The following ZNF469 variants were observed in gnomAD, a reference collection of about 807,000 sequenced individuals.
ZNF469 encodes zinc finger protein 469.
In ZNF469, 1 loss-of-function variant was observed where a neutral mutation model predicts 1.0. That is an observed-to-expected ratio of 1.00 (90% CI 0.35 to 4.73). The LOEUF (loss-of-function observed/expected upper bound fraction) is 4.73. Among genes scored for constraint, ZNF469 ranks in the 30% most tolerant of loss-of-function variants. The pLI, the probability that ZNF469 is intolerant of heterozygous loss-of-function variation, is 0.16. For synonymous variants in ZNF469, 2,703 were observed against 2,363.4 expected (o/e 1.14, Z -4.17); for missense variants, 6,100 against 5,356.3 (o/e 1.14, Z -4.33).
chr16:88,236,436 A>T, the ZNF469 span, among the ~76,000 whole-genome samples: 1 of 152,228 alleles, frequency 6.6e-6, no homozygotes, highest in Non-Finnish European at 1.5e-5. Context: ...GCTGGGCCTG[A>T]ATTCCATAGG....
At chr16:88,342,159 TC>T in the ZNF469 span, among the ~76,000 whole-genome samples, 1 of 152,080 alleles carries the variant, frequency 6.6e-6, no homozygotes, top group African/African-American at 2.4e-5. Context: ...CTCCAGCCCT[TC>T]GCCCCCCAGC....
At chr16:88,211,186 C>T in the ZNF469 span, among the ~76,000 whole-genome samples, 2 of 152,254 alleles carry the variant, frequency 1.3e-5, no homozygotes, top group South Asian at 4.1e-4. Context: ...AGGTTTTCGA[C>T]CATTAGCTCT....
the ZNF469 span, among the ~76,000 whole-genome samples, chr16:88,163,199 A>T: frequency 1.7e-4 from 4 of 23,860 alleles, no homozygotes; most frequent in African/African-American, 4.2e-4. Flanking sequence ...GATAGATAGA[A>T]GGATGGATGG....
chr16:88,158,580 G>A, the ZNF469 span, among the ~76,000 whole-genome samples: 2 of 152,210 alleles, frequency 1.3e-5, no homozygotes, highest in African/African-American at 4.8e-5. Flanking sequence ...CTCTTGGTCA[G>A]GACTCAGGGC....
chr16:88,429,402 G>C lies in ZNF469; in HGVS notation c.1932G>C (p.Thr644=), dbSNP rs539996728. 9 of 1,539,674 alleles carry C rather than the reference G, an allele frequency of 5.8e-6. No homozygotes were observed. The African/African-American group carries it at 9.8e-5, about 17-fold the overall frequency. Residue 644 remains threonine, a synonymous_variant, in exon 3 of 3, where the codon ACG becomes ACC. Transcript: ENST00000565624. ...ACCCACCCACTCACCCCCAGGAGAC[G>C]GGCAGCCCCTTCCCGTCCCCGGAGC... The part of the protein sequence containing the change: ...FFHPPTHPQE[T]GSPFPSPEPP...
At chr16:88,268,692 C>A in the ZNF469 span, among the ~76,000 whole-genome samples, 116 of 152,358 alleles carry the variant, frequency 7.6e-4, 1 homozygote, top group East Asian at 0.021. Flanking sequence ...GGGCTGAGGT[C>A]ACGCTTGTCA....
chr16:88,335,110 T>G, the ZNF469 span, among the ~76,000 whole-genome samples: 1 of 152,234 alleles, frequency 6.6e-6, no homozygotes, highest in African/African-American at 2.4e-5. Flanking sequence ...GCCCTGCGCA[T>G]GCCTTGATCT....
At chr16:88,395,283 ATGGG>A (rs1904625737) in intron 1 of ZNF469, among the ~76,000 whole-genome samples, 7 of 97,970 alleles carry the variant, frequency 7.1e-5, no homozygotes, top group South Asian at 7.8e-4. Context: ...GGATGGATGG[ATGGG>A]TGGATGGATT....
At chr16:88,180,385 A>G in the ZNF469 span, among the ~76,000 whole-genome samples, 1 of 152,260 alleles carries the variant, frequency 6.6e-6, no homozygotes, top group Non-Finnish European at 1.5e-5. Flanking sequence ...AACTATTAAA[A>G]GAAAGCTGGG....
chr16:88,320,148 C>A, the ZNF469 span, among the ~76,000 whole-genome samples: 1 of 152,248 alleles, frequency 6.6e-6, no homozygotes, highest in Non-Finnish European at 1.5e-5. Context: ...CTTGCCGTGG[C>A]AGAAGTTAAA....
At chr16:88,117,067 T>G in the ZNF469 span, among the ~76,000 whole-genome samples, 1 of 152,052 alleles carries the variant, frequency 6.6e-6, no homozygotes, top group African/African-American at 2.4e-5. Context: ...CGTGCTGCTG[T>G]GTTGGCACGC....
chr16:88,137,252 T>C, the ZNF469 span, among the ~76,000 whole-genome samples: 6 of 152,236 alleles, frequency 3.9e-5, no homozygotes, highest in African/African-American at 1.4e-4. Context: ...TAGAGCCATG[T>C]ATGTGTAAAA....
the ZNF469 span, among the ~76,000 whole-genome samples, chr16:88,147,390 T>C: frequency 6.6e-6 from 1 of 151,980 alleles, no homozygotes; most frequent in African/African-American, 2.4e-5. Context: ...CCACAGAGAC[T>C]GTGGCCATCG....
rs1443635950 is a variant in ZNF469 at position 88,434,287 on chromosome 16, C to T, written c.6817C>T (p.Leu2273=). ...TCCTGGCCGAGCCACCTCTCCTCCTCTGGCAGGGGCCGTCTCCCCCAGCGT... is the reference window on the plus strand; with the variant it reads ...TCCTGGCCGAGCCACCTCTCCTCCTTTGGCAGGGGCCGTCTCCCCCAGCGT... ...ESPGRATSPP[L]AGAVSPSVAV... is the part of the protein sequence containing the mutation. The change falls in exon 3 of 3, where the codon CTG becomes TTG. Residue 2273 remains leucine (L), a synonymous_variant. Coordinates refer to ENST00000565624, the MANE Select transcript of ZNF469 (RefSeq NM_001367624.2). The T allele has an allele frequency of 1.3e-6, 2 of 1,550,268 alleles. No individual in the cohort carries two copies. The highest frequency in any genetic ancestry group is 2.7e-5 in the African/African-American group (2 of 73,068).
the ZNF469 span, among the ~76,000 whole-genome samples, chr16:88,344,057 C>T: frequency 1.3e-5 from 2 of 152,064 alleles, no homozygotes; most frequent in Non-Finnish European, 2.9e-5. Flanking sequence ...CCATAACCCT[C>T]GTCTAATCAT....
chr16:88,277,545 C>T, the ZNF469 span, among the ~76,000 whole-genome samples: 12,472 of 65,112 alleles, frequency 0.19, 697 homozygotes, highest in East Asian at 0.26. Context: ...TGCGCCACGC[C>T]GACACTCGGT....
chr16:88,227,327 TG>T, the ZNF469 span, among the ~76,000 whole-genome samples: 1 of 152,054 alleles, frequency 6.6e-6, no homozygotes, highest in Non-Finnish European at 1.5e-5. Context: ...GGAAGGAGGA[TG>T]GAAGGAGGCC....
chr16:88,164,022 T>A, the ZNF469 span, among the ~76,000 whole-genome samples: 3 of 150,728 alleles, frequency 2.0e-5, no homozygotes, highest in Non-Finnish European at 4.4e-5. Context: ...GGTAGATGGA[T>A]GAATGGATGG....
In ZNF469 at chr16:88,428,559, G is replaced by C. The variant is rs776451293; in HGVS notation, c.1089G>C (p.Ser363=). The C allele has an allele frequency of 9.1e-5, 141 of 1,550,016 alleles. No individual in the cohort carries two copies. Among genetic ancestry groups the C allele is most frequent in the Non-Finnish European group, 1.2e-4 (133 of 1,146,862 alleles). The change falls in exon 3 of 3, where the codon TCG becomes TCC. Residue 363 remains serine, a synonymous_variant. Transcript: ENST00000565624. ...TCTCTTCCCCTGGAGCTGCTCACTC[G>C]GCCCCGAGACCCTTCTCTGACAGTT... ...GALSSPGAAH[S]APRPFSDSLH... is the part of the protein sequence containing the mutation.
Sources: gnomAD v4.1 joint callset for allele counts (sites outside exome capture counted in the v4.1 genomes callset) on GRCh38, gnomAD v4.1.1 for gene constraint, MANE v1.5 for transcripts, NCBI Gene and HGNC (gene_info 2026-07-23, HGNC 2026-07-21) for gene names.